Variants in INHBA observed in about 807,000 individuals in gnomAD.
INHBA encodes the protein inhibin subunit beta A.
A neutral mutation model predicts 29.0 loss-of-function variants in INHBA; 1 was observed. The observed-to-expected ratio is 0.03, with a 90% CI of 0.01 to 0.16. INHBA has a LOEUF of 0.16. Ranked by LOEUF, INHBA falls within the 10% of genes least tolerant of loss-of-function variation. The pLI is 1.00. For synonymous variants in INHBA, 242 were observed against 216.8 expected (o/e 1.12, Z -1.02); for missense variants, 376 against 545.4 (o/e 0.69, Z 3.09).
chr7:41,701,116 T>C (rs993629342), intron 1 of INHBA, among the ~76,000 whole-genome samples: 15 of 152,180 alleles, frequency 9.9e-5, no homozygotes, highest in African/African-American at 3.6e-4. Context: ...CCCAGTCTCC[T>C]GGTTTCACCT....
upstream of INHBA, among the ~76,000 whole-genome samples, chr7:41,704,372 G>A (rs1794863745): frequency 6.6e-6 from 1 of 152,106 alleles, no homozygotes; most frequent in Non-Finnish European, 1.5e-5. Context: ...TCATTAGGTT[G>A]TAGAGGAAGA....
intron 1 of INHBA, among the ~76,000 whole-genome samples, chr7:41,702,229 G>A (rs767211158): frequency 6.6e-6 from 1 of 152,128 alleles, no homozygotes; most frequent in Non-Finnish European, 1.5e-5. Context: ...TGAGTGCAAG[G>A]GGAAGAGGGC....
At chr7:41,697,817 G>A (rs1009019512) in intron 2 of INHBA, among the ~76,000 whole-genome samples, 1 of 152,168 alleles carries the variant, frequency 6.6e-6, no homozygotes, top group Non-Finnish European at 1.5e-5. Context: ...AGCAAAATCA[G>A]CAGCAAAATG....
At chr7:41,701,453 C>T (rs1274213454) in intron 1 of INHBA, among the ~76,000 whole-genome samples, 3 of 152,128 alleles carry the variant, frequency 2.0e-5, no homozygotes, top group Non-Finnish European at 4.4e-5. Flanking sequence ...CTGAGGAGAG[C>T]GCAATGGAAC....
At position 41,700,316 on chromosome 7, in the gene INHBA, C is replaced by A; in HGVS notation, c.59G>T (p.Ser20Ile). The A allele has an allele frequency of 6.4e-7, 1 of 1,562,550 alleles. No homozygotes were observed. The highest frequency in any genetic ancestry group is 1.2e-5 in the South Asian group (1 of 83,050). Residue 20 changes from serine (S) to isoleucine (I), a missense_variant, in exon 2 of 3, where the codon AGT becomes ATT. Around this residue, in one of 4 missense-constraint regions of INHBA, gnomAD observed 71 missense variants for 77.0 expected, o/e 0.92. Coordinates refer to ENST00000242208, the MANE Select transcript of INHBA (RefSeq NM_002192.4). ...LLASCWIIVRSSPTPGSEGHS... is the reference protein window; with the variant it reads ...LLASCWIIVRISPTPGSEGHS... ...CCCCTCGGATCCTGGGGTGGGGGAA[C>A]TCCTCACTATAATCCAGCAACTTGC...
chr7:41,687,663 C>G lies in INHBA; in HGVS notation c.*1987G>C, dbSNP rs1794416003. On this transcript the variant is annotated 3_prime_UTR_variant, in exon 3 of 3. Coordinates refer to ENST00000242208, the MANE Select transcript of INHBA (RefSeq NM_002192.4). ...ACTACTGCCCTCACCTCTGCCTCCT[C>G]TTAACTGTTCTCTTCCTTACTCTCC... 2 of 152,126 alleles carry G rather than the reference C, an allele frequency of 1.3e-5. No homozygotes were observed. The highest frequency in any genetic ancestry group is 4.1e-4 in the South Asian group (2 of 4,832). 9.4% of individuals were successfully genotyped at this position (152,126 alleles called of 1,614,324 possible). A position where few individuals can be genotyped will look rare whatever the true frequency, so the allele number is the denominator to read the frequency against.
At chr7:41,704,085 T>C (rs1794856874), upstream of INHBA, among the ~76,000 whole-genome samples, 1 of 152,100 alleles carries the variant, frequency 6.6e-6, no homozygotes, top group Non-Finnish European at 1.5e-5. Flanking sequence ...ATGTGCAAAA[T>C]TGGGAGCTAA....
At position 41,688,712 on chromosome 7, in the gene INHBA, T is replaced by TA. The variant is rs151200370; in HGVS notation, c.*937dup. ...CATTGTAGTGCAAATAGTAAACGAT[T>TA]AAAAAAAAAACAACAACAACATTTA... On this transcript the variant is annotated 3_prime_UTR_variant, in exon 3 of 3. Transcript: ENST00000242208. The TA allele has an allele frequency of 0.039, 5,520 of 142,954 alleles. 323 individuals carry two copies. Among genetic ancestry groups the TA allele is most frequent in the African/African-American group, 0.13 (5,027 of 37,254 alleles). 8.9% of individuals were successfully genotyped at this position (142,954 alleles called of 1,614,324 possible). A position where few individuals can be genotyped will look rare whatever the true frequency, so the allele number is the denominator to read the frequency against.
chr7:41,701,147 G>T (rs1377809661), intron 1 of INHBA, among the ~76,000 whole-genome samples: 1 of 151,842 alleles, frequency 6.6e-6, no homozygotes, highest in Non-Finnish European at 1.5e-5. Context: ...TTGGAGGGGA[G>T]AAAAGAAACC....
chr7:41,699,015 C>T (rs1244492747), intron 2 of INHBA, among the ~76,000 whole-genome samples: 2 of 152,178 alleles, frequency 1.3e-5, no homozygotes, highest in African/African-American at 4.8e-5. Flanking sequence ...GTGTGCCTGA[C>T]GTGCATGGGC....
intron 2 of INHBA, among the ~76,000 whole-genome samples, chr7:41,694,622 C>T (rs573707905): frequency 2.0e-5 from 3 of 152,306 alleles, no homozygotes; most frequent in African/African-American, 7.2e-5. Flanking sequence ...TCATTACCTG[C>T]TCTCTAATAA....
Position 41,690,387 on chromosome 7 carries a change from G to C in INHBA, c.544C>G (p.Pro182Ala), listed in dbSNP as rs773874254. 6.2e-7 allele frequency: 1 copy of C among 1,614,052 alleles called. No individual in the cohort carries two copies. The highest frequency in any genetic ancestry group is 8.5e-7 in the Non-Finnish European group (1 of 1,180,034). The change falls in exon 3 of 3, where the codon CCG (proline) becomes GCG (alanine). Residue 182 changes from proline to alanine, a missense_variant. Coordinates refer to ENST00000242208, the MANE Select transcript of INHBA (RefSeq NM_002192.4). ...TCCCCTGTGTCCAAGCTGCCCTGCG[G>C]GTGCTTCTGCTGCTGGAAGAGGCGG... Reference protein sequence around the residue: ...TIRLFQQQKHPQGSLDTGEEA... With the variant: ...TIRLFQQQKHAQGSLDTGEEA...
At position 41,687,955 on chromosome 7, in the gene INHBA, A is replaced by AG. The variant is rs1327967677; in HGVS notation, c.*1694dup. Reference sequence around the variant, plus strand: ...ACAGGGGATAACTTGTAGAAGTGGGAGGGGGCACAAAAAAGAGGAGGAAAT... The same window carrying AG: ...ACAGGGGATAACTTGTAGAAGTGGGAGGGGGGCACAAAAAAGAGGAGGAAAT... On this transcript the variant is annotated 3_prime_UTR_variant, in exon 3 of 3. Transcript: ENST00000242208. The AG allele has an allele frequency of 6.6e-6, 1 of 152,206 alleles. No homozygotes were observed. The highest frequency in any genetic ancestry group is 1.5e-5 in the Non-Finnish European group (1 of 68,012). The allele number at this position is 152,206 out of a possible 1,614,324, so 9.4% of individuals were successfully genotyped here. A position where few individuals can be genotyped will look rare whatever the true frequency, so the allele number is the denominator to read the frequency against.
chr7:41,704,611 AGTGTGTGTGTGTGTGTGTGTGTGT>A (rs60031309), upstream of INHBA, among the ~76,000 whole-genome samples: 112 of 101,300 alleles, frequency 1.1e-3, 3 homozygotes, highest in Admixed American at 3.1e-3. Flanking sequence ...CACACAAAGT[AGTGTGTGTGTGTGTGTGTGTGTGT>A]GTGTGTGTGT....
intron 2 of INHBA, among the ~76,000 whole-genome samples, chr7:41,690,869 C>T (rs1179454265): frequency 6.6e-6 from 1 of 152,208 alleles, no homozygotes; most frequent in East Asian, 1.9e-4. Context: ...TGTTTTTGCA[C>T]TATAATAACC....
rs2128668649 is a variant in INHBA at position 41,687,060 on chromosome 7, A to G, written c.*2590T>C. ...CATGCATGATATCCAAGGTCGACAG[A>G]CCTGGATTAGAATCCACTCTCAAGC... is the stretch of plus-strand genomic sequence containing the variant. On this transcript the variant is annotated 3_prime_UTR_variant, in exon 3 of 3. Transcript: ENST00000242208. The G allele has an allele frequency of 6.6e-6, 1 of 152,342 alleles. No individual in the cohort carries two copies. Among genetic ancestry groups the G allele is most frequent in the South Asian group, 2.1e-4 (1 of 4,824 alleles). 9.4% of individuals were successfully genotyped at this position (152,342 alleles called of 1,614,324 possible).
At chr7:41,693,518 A>G (rs564045390) in intron 2 of INHBA, among the ~76,000 whole-genome samples, 1 of 152,334 alleles carries the variant, frequency 6.6e-6, no homozygotes, top group South Asian at 2.1e-4. Context: ...CACAGCCTAC[A>G]GGACAGCCCC....
intron 2 of INHBA, among the ~76,000 whole-genome samples, chr7:41,698,490 A>AG (rs1469669331): frequency 6.6e-6 from 1 of 152,192 alleles, no homozygotes; most frequent in East Asian, 1.9e-4. Context: ...TGAAAAGTTG[A>AG]GAAAAAAAAA....
chr7:41,690,203 G>T lies in INHBA; in HGVS notation c.728C>A (p.Ala243Asp). Residue 243 changes from alanine to aspartate, a missense_variant, in exon 3 of 3, where the codon GCC (alanine) becomes GAC (aspartate). Physicochemically the swap from Ala to Asp is moderately radical, Grantham distance 126 (BLOSUM62 -2). This residue lies in a region of INHBA where 253 missense variants were observed against 313.4 expected (regional missense o/e 0.81). Coordinates refer to ENST00000242208, the MANE Select transcript of INHBA (RefSeq NM_002192.4). ...GCCACTCTCCTGGCACTGCTCACAG[G>T]CAATCCGAACGTCCAGGGAGCTCTT... ...QGKSSLDVRI[A>D]CEQCQESGAS... 1.2e-6 allele frequency: 2 copies of T among 1,613,886 alleles called. No individual in the cohort carries two copies. The highest frequency in any genetic ancestry group is 1.7e-6 in the Non-Finnish European group (2 of 1,179,996).
Sources: gnomAD v4.1 joint callset for allele counts (sites outside exome capture counted in the v4.1 genomes callset) on GRCh38, gnomAD v4.1.1 for gene constraint, gnomAD v4.1.1 regional missense constraint, MANE v1.5 for transcripts, NCBI Gene and HGNC (gene_info 2026-07-23, HGNC 2026-07-21) for gene names.